The following SAMMSON variants were observed in gnomAD, a reference collection of about 807,000 sequenced individuals.
The protein encoded by SAMMSON is survival associated mitochondrial melanoma specific oncogenic non-coding RNA, also known as long intergenic non-protein coding RNA 1212.
At chr3:70,019,363 TGTTGGTTTAA>T (rs1407630773) in intron 3 of SAMMSON, among the ~76,000 whole-genome samples, 1 of 152,178 alleles carries the variant, frequency 6.6e-6, no homozygotes, top group East Asian at 1.9e-4. Context: ...TTTTGAACTT[TGTTGGTTTAA>T]AGTCTGTTTT....
intron 4 of SAMMSON, among the ~76,000 whole-genome samples, chr3:70,226,608 G>A (rs968348086): frequency 1.3e-5 from 2 of 151,592 alleles, no homozygotes; most frequent in African/African-American, 4.9e-5. Context: ...CATGGTGGCG[G>A]GTGCCTGTAA....
rs61561713 is a variant in SAMMSON at position 70,108,423 on chromosome 3, C to CTTTTTTTTTTTTT, written n.507+36864_507+36876dup. Among the ~76,000 whole-genome samples the CTTTTTTTTTTTTT allele has an allele frequency of 3.1e-3, 281 of 89,324 alleles. 37 individuals are homozygous for CTTTTTTTTTTTTT. Among genetic ancestry groups the CTTTTTTTTTTTTT allele is most frequent in the South Asian group, 8.9e-3 (17 of 1,914 alleles). 58.6% of individuals were successfully genotyped at this position (89,324 alleles called of 152,430 possible). ...TAGTGTTTCTCAACTCTTGCGGTTC[C>CTTTTTTTTTTTTT]TTTTTTTTTTTTTTTTTTATCATAA... On this transcript the variant is annotated intron_variant and non_coding_transcript_variant, in intron 4 of 9. Coordinates refer to ENST00000642114, the Ensembl canonical transcript of SAMMSON.
intron 4 of SAMMSON, among the ~76,000 whole-genome samples, chr3:70,082,389 G>A (rs982010606): frequency 6.6e-6 from 1 of 152,160 alleles, no homozygotes. Context: ...AGGGGTTCGG[G>A]GCAGTGTGTG....
intron 4 of SAMMSON, among the ~76,000 whole-genome samples, chr3:70,149,678 G>A (rs900611395): frequency 6.6e-6 from 1 of 152,094 alleles, no homozygotes; most frequent in Non-Finnish European, 1.5e-5. Flanking sequence ...TGGACAAGCT[G>A]CCAGAGGTGA....
At chr3:70,116,705 C>T (rs1211733446) in intron 4 of SAMMSON, among the ~76,000 whole-genome samples, 2 of 151,976 alleles carry the variant, frequency 1.3e-5, no homozygotes, top group African/African-American at 4.8e-5. Flanking sequence ...AAAGTAGAAA[C>T]AGCATCATGA....
chr3:70,058,185 T>G (rs2067174858), intron 3 of SAMMSON, among the ~76,000 whole-genome samples: 1 of 152,058 alleles, frequency 6.6e-6, no homozygotes, highest in Non-Finnish European at 1.5e-5. Context: ...AGGCTTGCAT[T>G]GCACAGGGGT....
intron 9 of SAMMSON, among the ~76,000 whole-genome samples, chr3:70,360,592 A>G (rs1198037288): frequency 6.6e-6 from 1 of 152,150 alleles, no homozygotes; most frequent in Non-Finnish European, 1.5e-5. Context: ...TCCCATACTG[A>G]TTTGAAAGGA....
intron 2 of SAMMSON, among the ~76,000 whole-genome samples, chr3:70,428,819 T>C (rs1701391500): frequency 6.6e-6 from 1 of 152,212 alleles, no homozygotes; most frequent in Non-Finnish European, 1.5e-5. Context: ...TCTGTAACTA[T>C]TTTGTTATCT....
chr3:70,392,625 G>A (rs1245708485), downstream of SAMMSON, among the ~76,000 whole-genome samples: 3 of 152,108 alleles, frequency 2.0e-5, no homozygotes, highest in Non-Finnish European at 4.4e-5. Flanking sequence ...TTAAAATGGG[G>A]GCTCTAGCAT....
chr3:70,008,911 C>G (rs910613890), intron 1 of SAMMSON, among the ~76,000 whole-genome samples: 4 of 152,088 alleles, frequency 2.6e-5, no homozygotes, highest in African/African-American at 9.7e-5. Flanking sequence ...CGGTTTTTGT[C>G]TTTGGTTCTG....
chr3:70,118,397 C>T (rs569332045), intron 4 of SAMMSON, among the ~76,000 whole-genome samples: 29 of 152,094 alleles, frequency 1.9e-4, no homozygotes, highest in African/African-American at 7.0e-4. Context: ...TTTATGTTGA[C>T]CTGAGATGTC....
chr3:70,384,229 C>T (rs1479737821), intron 9 of SAMMSON, among the ~76,000 whole-genome samples: 2 of 151,762 alleles, frequency 1.3e-5, no homozygotes, highest in Non-Finnish European at 2.9e-5. Context: ...GTGTAATATG[C>T]ATGATGAAAA....
chr3:70,104,296 C>T (rs1212738339), intron 4 of SAMMSON, among the ~76,000 whole-genome samples: 2 of 151,414 alleles, frequency 1.3e-5, no homozygotes, highest in Non-Finnish European at 2.9e-5. Flanking sequence ...CGATACTGTG[C>T]GCTAGTTATT....
chr3:70,157,925 C>A (rs766072823), intron 4 of SAMMSON, among the ~76,000 whole-genome samples: 1 of 152,024 alleles, frequency 6.6e-6, no homozygotes, highest in East Asian at 1.9e-4. Flanking sequence ...GACTCCAGAG[C>A]CCCCACTCTT....
chr3:70,031,435 G>C (rs567840232), intron 3 of SAMMSON, among the ~76,000 whole-genome samples: 1 of 152,206 alleles, frequency 6.6e-6, no homozygotes, highest in South Asian at 2.1e-4. Context: ...TTCCATTTGG[G>C]TTGGTGAAAA....
intron 1 of SAMMSON, among the ~76,000 whole-genome samples, chr3:70,010,580 A>G (rs1000076551): frequency 1.3e-5 from 2 of 152,102 alleles, no homozygotes; most frequent in East Asian, 1.9e-4. Flanking sequence ...TAAAACCCCA[A>G]CTTCCTGTTA....
At chr3:70,093,659 C>T (rs1363686345) in intron 4 of SAMMSON, among the ~76,000 whole-genome samples, 1 of 152,026 alleles carries the variant, frequency 6.6e-6, no homozygotes, top group Non-Finnish European at 1.5e-5. Flanking sequence ...CACAGAGATC[C>T]CTGAATAGCT....
rs1576144536 is a variant in SAMMSON, at chr3:70,176,049, G to T, written n.508-73058G>T. 1.3e-5 allele frequency among the ~76,000 whole-genome samples: 2 copies of T among 152,076 alleles called. 1 individual carries two copies. Among genetic ancestry groups the T allele is most frequent in the South Asian group, 4.2e-4 (2 of 4,818 alleles). On this transcript the variant is annotated intron_variant and non_coding_transcript_variant, in intron 4 of 9. Transcript: ENST00000642114. ...ACCCATGATATCTCCATGCCTTAGG[G>T]ATTCAGACTTAAGGTCAGAATTTGA...
intron 4 of SAMMSON, among the ~76,000 whole-genome samples, chr3:70,154,072 C>T (rs12108153): frequency 1.3e-5 from 2 of 151,738 alleles, no homozygotes; most frequent in Admixed American, 6.6e-5. Context: ...TTCTGTAATA[C>T]CAAAATACTC....
Sources: gnomAD v4.1 joint callset for allele counts (sites outside exome capture counted in the v4.1 genomes callset) on GRCh38, gnomAD v4.1.1 for gene constraint, MANE v1.5 for transcripts, NCBI Gene and HGNC (gene_info 2026-07-23, HGNC 2026-07-21) for gene names.